SLIT3: variants seen among roughly 807,000 people sequenced by gnomAD.
SLIT3 encodes the protein slit homolog 3 protein.
Under a neutral mutation model 184.0 loss-of-function variants are expected in SLIT3, and 68 were observed. The ratio of observed to expected loss-of-function variants is 0.37; its 90% confidence interval spans 0.30 to 0.45. The LOEUF (loss-of-function observed/expected upper bound fraction) is 0.45. Ranked by LOEUF, SLIT3 falls within the 20% of genes least tolerant of loss-of-function variation. The probability of loss-of-function intolerance (pLI) is 1.00; values close to 1 mark genes in which losing one functional copy is unlikely to be tolerated. For missense variants in SLIT3, 1,707 were observed against 2,026.0 expected (o/e 0.84, Z 3.02); for synonymous variants, 831 against 828.6 (o/e 1.00, Z -0.05).
chr5:169,098,735 C>A (rs975726642), intron 4 of SLIT3, among the ~76,000 whole-genome samples: 1 of 152,194 alleles, frequency 6.6e-6, no homozygotes, highest in Admixed American at 6.5e-5. Flanking sequence ...TTTGATCATA[C>A]GTCTCCTTTA....
At chr5:168,890,993 A>G (rs530782370) in intron 4 of SLIT3, among the ~76,000 whole-genome samples, 57 of 152,326 alleles carry the variant, frequency 3.7e-4, no homozygotes, top group African/African-American at 1.3e-3. Context: ...CTTTAAGAGC[A>G]CCAGTTCAAT....
rs1282570500 is a variant in SLIT3, at chr5:168,730,520, A to C, written c.2271-6036T>G. On this transcript the variant is annotated intron_variant, in intron 20 of 35. Transcript: ENST00000519560. ...ACATTAAAAAACCTGAAATTATATCAAGTATTTTCTCAGATCACGGTAATT... is the reference window on the plus strand; with the variant it reads ...ACATTAAAAAACCTGAAATTATATCCAGTATTTTCTCAGATCACGGTAATT... 2.6e-5 allele frequency among the ~76,000 whole-genome samples: 4 copies of C among 152,090 alleles called. No individual in the cohort carries two copies. In the East Asian group the frequency reaches 7.7e-4, roughly 29 times the overall value.
chr5:169,278,384 G>C (rs1227923866), intron 1 of SLIT3, among the ~76,000 whole-genome samples: 1 of 152,202 alleles, frequency 6.6e-6, no homozygotes, highest in Non-Finnish European at 1.5e-5. Context: ...GGGCTAAACA[G>C]ACTGGCCTGA....
intron 4 of SLIT3, among the ~76,000 whole-genome samples, chr5:169,065,481 G>A (rs7728451): frequency 0.062 from 9,422 of 152,254 alleles, 300 homozygotes; most frequent in Non-Finnish European, 0.081. Flanking sequence ...TTGAGCCCAC[G>A]TCCTGGTGTC....
intron 4 of SLIT3, among the ~76,000 whole-genome samples, chr5:169,098,083 C>G (rs1446541005): frequency 6.6e-6 from 1 of 152,170 alleles, no homozygotes; most frequent in Non-Finnish European, 1.5e-5. Flanking sequence ...CCCAGGCAAG[C>G]TGCCTGGGCC....
At chr5:169,234,936 G>A (rs1765141548) in intron 3 of SLIT3, among the ~76,000 whole-genome samples, 1 of 152,160 alleles carries the variant, frequency 6.6e-6, no homozygotes, top group Non-Finnish European at 1.5e-5. Context: ...TTCATTATGA[G>A]TCTCTGATTG....
At chr5:169,188,898 C>G (rs1482714135) in intron 4 of SLIT3, among the ~76,000 whole-genome samples, 2 of 152,176 alleles carry the variant, frequency 1.3e-5, no homozygotes, top group African/African-American at 2.4e-5. Context: ...AACCCTTTCA[C>G]TTGACTACCT....
chr5:168,667,129 A>C (rs1275390573), intron 35 of SLIT3, among the ~76,000 whole-genome samples: 3 of 152,166 alleles, frequency 2.0e-5, no homozygotes, highest in African/African-American at 7.2e-5. Flanking sequence ...GAAAACAAGG[A>C]GGTCTGGCAG....
chr5:168,936,932 G>A (rs1453559577), intron 4 of SLIT3, among the ~76,000 whole-genome samples: 1 of 152,184 alleles, frequency 6.6e-6, no homozygotes, highest in African/African-American at 2.4e-5. Flanking sequence ...TGTACTTAGA[G>A]ATTAAACAAC....
chr5:168,783,424 G>A (rs1166145352), intron 12 of SLIT3, among the ~76,000 whole-genome samples: 1 of 151,922 alleles, frequency 6.6e-6, no homozygotes. Context: ...CAGAGGAGTG[G>A]GGGAAGATGG....
chr5:168,746,311 GGTGTGGTGGTATGTGGTGTGTGA>G (rs1325012324), intron 20 of SLIT3, among the ~76,000 whole-genome samples: 27 of 126,114 alleles, frequency 2.1e-4, no homozygotes, highest in Non-Finnish European at 3.2e-4. Flanking sequence ...TGGTGGTGTG[GGTGTGGTGGTATGTGGTGTGTGA>G]GTGTGGTGGT....
At chr5:168,831,501 T>C (rs1301579855) in intron 6 of SLIT3, among the ~76,000 whole-genome samples, 2 of 152,180 alleles carry the variant, frequency 1.3e-5, no homozygotes, top group South Asian at 2.1e-4. Context: ...GATTAGTCCA[T>C]TACTCTCAAC....
intron 5 of SLIT3, among the ~76,000 whole-genome samples, chr5:168,851,302 G>A (rs1177358777): frequency 1.4e-5 from 2 of 140,912 alleles, no homozygotes; most frequent in African/African-American, 2.6e-5. Context: ...GAGCCTGGGC[G>A]ACAGAGTGAG....
intron 29 of SLIT3, among the ~76,000 whole-genome samples, chr5:168,690,091 C>T (rs1322903046): frequency 1.3e-5 from 2 of 152,038 alleles, no homozygotes; most frequent in African/African-American, 4.8e-5. Flanking sequence ...CTCCAGCACT[C>T]CAACCAACCC....
At chr5:168,764,599 T>C (rs1755270629) in intron 14 of SLIT3, among the ~76,000 whole-genome samples, 1 of 152,212 alleles carries the variant, frequency 6.6e-6, no homozygotes, top group African/African-American at 2.4e-5. Context: ...GCATGCCTTC[T>C]GTGATTTCCT....
intron 20 of SLIT3, among the ~76,000 whole-genome samples, chr5:168,742,684 T>C (rs1350602418): frequency 2.2e-5 from 3 of 139,182 alleles, no homozygotes; most frequent in African/African-American, 2.8e-5. Flanking sequence ...TCTGGTCTTT[T>C]AATGCTTACA....
At chr5:168,882,302 C>T (rs753468445) in intron 5 of SLIT3, among the ~76,000 whole-genome samples, 2 of 152,146 alleles carry the variant, frequency 1.3e-5, no homozygotes, top group African/African-American at 2.4e-5. Flanking sequence ...GTTCCGACCC[C>T]GTGGGCACAA....
chr5:169,180,707 C>T (rs1456883874), intron 4 of SLIT3, among the ~76,000 whole-genome samples: 2 of 152,184 alleles, frequency 1.3e-5, no homozygotes, highest in Non-Finnish European at 2.9e-5. Flanking sequence ...TTCCCTGCTG[C>T]TTCTTTTTCT....
chr5:168,816,689 C>G (rs757166842), intron 8 of SLIT3, among the ~76,000 whole-genome samples: 2 of 152,206 alleles, frequency 1.3e-5, no homozygotes, highest in Non-Finnish European at 2.9e-5. Context: ...TTTGTGAGCC[C>G]ACTAAACTAT....
Sources: allele counts gnomAD v4.1 joint callset (sites outside exome capture counted in the v4.1 genomes callset), GRCh38; gene constraint gnomAD v4.1.1; transcripts MANE v1.5; gene names NCBI Gene and HGNC (gene_info 2026-07-23, HGNC 2026-07-21).